The following RCSD1 variants were observed in gnomAD, a reference collection of about 807,000 sequenced individuals.
The protein encoded by RCSD1 is RCSD domain containing 1.
In RCSD1, 26 loss-of-function variants were observed where a neutral mutation model predicts 42.5. That is an observed-to-expected ratio of 0.61 (90% CI 0.45 to 0.85). The LOEUF (loss-of-function observed/expected upper bound fraction) is 0.85. Among genes scored for constraint, RCSD1 ranks in the 40% least tolerant of loss-of-function variants. The pLI, the probability that RCSD1 is intolerant of heterozygous loss-of-function variation, is 0.00. For missense variants in RCSD1, 571 were observed against 528.3 expected, an observed-to-expected ratio of 1.08 and a Z score of -0.79; for synonymous variants, 220 against 212.2, an observed-to-expected ratio of 1.04 and a Z score of -0.32.
chr1:167,685,357 C>A, intron 2 of RCSD1, 64 bp from the exon 3 acceptor site: 1 of 1,318,698 alleles, frequency 7.6e-7, no homozygotes, highest in Non-Finnish European at 1.1e-6. Flanking sequence ...CCTTGCTCTT[C>A]CTCCCTGTTG....
intron 1 of RCSD1, among the ~76,000 whole-genome samples, chr1:167,650,512 G>T (rs1022032267): frequency 6.6e-6 from 1 of 152,058 alleles, no homozygotes; most frequent in Non-Finnish European, 1.5e-5. Flanking sequence ...CCTGACTCTC[G>T]AGTGTTTGGG....
intron 1 of RCSD1, among the ~76,000 whole-genome samples, chr1:167,645,343 G>A (rs1183346822): frequency 6.6e-6 from 1 of 152,196 alleles, no homozygotes; most frequent in Admixed American, 6.5e-5. Context: ...CCTACTGTAT[G>A]ACAGATGCTG....
intron 1 of RCSD1, chr1:167,665,167 G>A (rs921111100): frequency 3.3e-5 from 5 of 152,030 alleles, no homozygotes; most frequent in African/African-American, 1.2e-4. Context: ...TCTTCTTTCT[G>A]TTATTATAGT....
chr1:167,660,315 A>C (rs954796006), intron 1 of RCSD1, among the ~76,000 whole-genome samples: 1 of 151,986 alleles, frequency 6.6e-6, no homozygotes, highest in African/African-American at 2.4e-5. Flanking sequence ...GTCTATAATC[A>C]CGTTTTGATC....
At position 167,697,464 on chromosome 1, in the gene RCSD1, G is replaced by C. The variant is rs552888962; in HGVS notation, c.840G>C (p.Glu280Asp). The change falls in exon 6 of 7, where the codon GAG becomes GAC. Residue 280 changes from glutamate to aspartate, a missense_variant. Physicochemically the swap from Glu to Asp is conservative, Grantham distance 45 (BLOSUM62 2). Coordinates refer to ENST00000367854, the MANE Select transcript of RCSD1 (RefSeq NM_052862.4). ...ACGGCCAGCACCCGGCCCAAGAGGA[G>C]GTCCCGGAATCGCCCCAGACCTCTG... ...EVDGQHPAQE[E>D]VPESPQTSGP... is the part of the protein sequence containing the mutation. 3.1e-6 allele frequency: 5 copies of C among 1,611,272 alleles called. No individual in the cohort carries two copies. The highest frequency in any genetic ancestry group is 1.7e-4 in the Middle Eastern group (1 of 6,054).
intron 1 of RCSD1, among the ~76,000 whole-genome samples, chr1:167,636,581 T>G (rs1054718634): frequency 9.5e-5 from 13 of 137,278 alleles, no homozygotes; most frequent in East Asian, 4.0e-4. Context: ...CTTCTTTTTG[T>G]TTTTTTTTGT....
In RCSD1 at chr1:167,705,972, A is replaced by G. The variant is rs1659748385; in HGVS notation, c.*1276A>G. On this transcript the variant is annotated 3_prime_UTR_variant, in exon 7 of 7. Transcript: ENST00000367854. ...TCAGTGTGCTGATTTGGTAGTTGGA[A>G]GAATTATTCTTCTGGAGGTCTGTTA... is the stretch of plus-strand genomic sequence containing the variant. The G allele has an allele frequency of 6.6e-6, 1 of 152,208 alleles. No individual in the cohort carries two copies. The highest frequency in any genetic ancestry group is 2.4e-5 in the African/African-American group (1 of 41,444). 9.4% of individuals were successfully genotyped at this position (152,208 alleles called of 1,614,324 possible).
At chr1:167,667,173 G>C (rs535840203) in intron 1 of RCSD1, among the ~76,000 whole-genome samples, 2 of 152,132 alleles carry the variant, frequency 1.3e-5, no homozygotes, top group East Asian at 3.9e-4. Flanking sequence ...AAGGGAGGGG[G>C]CGCCTATCCC....
intron 1 of RCSD1, chr1:167,663,469 G>A (rs1198656438): frequency 3.3e-5 from 5 of 152,426 alleles, no homozygotes; most frequent in African/African-American, 1.2e-4. Context: ...GGCTGATCCT[G>A]ACCCATTACC....
chr1:167,701,304 CTTTCTTTCTTTCTTTT>C (rs981907129), intron 6 of RCSD1, among the ~76,000 whole-genome samples: 5 of 144,484 alleles, frequency 3.5e-5, no homozygotes, highest in African/African-American at 1.1e-4. Flanking sequence ...TTCTTTCTTT[CTTTCTTTCTTTCTTTT>C]TTTTAGATGG....
intron 1 of RCSD1, among the ~76,000 whole-genome samples, chr1:167,656,722 G>C (rs925429674): frequency 6.6e-6 from 1 of 152,168 alleles, no homozygotes; most frequent in African/African-American, 2.4e-5. Context: ...AAAGGCACTG[G>C]AGTTAGCAAC....
At chr1:167,645,048 G>A (rs994756523) in intron 1 of RCSD1, among the ~76,000 whole-genome samples, 2 of 152,178 alleles carry the variant, frequency 1.3e-5, no homozygotes, top group Non-Finnish European at 2.9e-5. Flanking sequence ...CAGGCCACGG[G>A]GCTCTATCCT....
intron 1 of RCSD1, among the ~76,000 whole-genome samples, chr1:167,657,311 AG>A (rs1558078097): frequency 1.3e-5 from 2 of 152,244 alleles, no homozygotes; most frequent in African/African-American, 4.8e-5. Context: ...TGGGGCCTAA[AG>A]AAAATCACCT....
chr1:167,630,942 GTCT>G (rs1237549225), intron 1 of RCSD1, among the ~76,000 whole-genome samples: 1 of 152,126 alleles, frequency 6.6e-6, no homozygotes, highest in Non-Finnish European at 1.5e-5. Flanking sequence ...GAGTCCAGTT[GTCT>G]TCTTGCTTCT....
At position 167,705,188 on chromosome 1, in the gene RCSD1, A is replaced by T. The variant is rs1209043912; in HGVS notation, c.*492A>T. The T allele has an allele frequency of 6.5e-6, 1 of 153,364 alleles. No homozygotes were observed. Among genetic ancestry groups the T allele is most frequent in the Non-Finnish European group, 1.5e-5 (1 of 68,846 alleles). The allele number at this position is 153,364 out of a possible 1,614,324, so 9.5% of individuals were successfully genotyped here. On this transcript the variant is annotated 3_prime_UTR_variant, in exon 7 of 7. Coordinates refer to ENST00000367854, the MANE Select transcript of RCSD1 (RefSeq NM_052862.4). ...TTAAAAACTAATTTTAGGTGGCCAT[A>T]AACATAAAATAGAAACCCTGTAAGT...
intron 1 of RCSD1, among the ~76,000 whole-genome samples, chr1:167,681,429 C>G (rs1659079847): frequency 6.6e-6 from 1 of 152,264 alleles, no homozygotes; most frequent in Admixed American, 6.5e-5. Context: ...GCTCTGGAGT[C>G]CTTAGTCTAA....
chr1:167,677,017 C>G (rs1235278903), intron 1 of RCSD1, among the ~76,000 whole-genome samples: 1 of 152,234 alleles, frequency 6.6e-6, no homozygotes, highest in Non-Finnish European at 1.5e-5. Flanking sequence ...GACCAAGGAC[C>G]TGCCATTTTC....
chr1:167,666,522 T>G (rs1658661642), intron 1 of RCSD1, among the ~76,000 whole-genome samples: 1 of 152,144 alleles, frequency 6.6e-6, no homozygotes, highest in African/African-American at 2.4e-5. Flanking sequence ...ATGCGGATGA[T>G]GCTAGTTACA....
Position 167,697,414 on chromosome 1 carries a change from G to T in RCSD1, c.790G>T (p.Ala264Ser). 1 of 1,613,188 alleles carries T rather than the reference G, an allele frequency of 6.2e-7. No homozygotes were observed. The highest frequency in any genetic ancestry group is 8.5e-7 in the Non-Finnish European group (1 of 1,179,650). ...AGAGGAAGCCAAGAACGGTGAAAAG[G>T]CCAGGCGGAGTTCAGAGGAGGTGGA... ...ATEEAKNGEK[A>S]RRSSEEVDGQ... The change falls in exon 6 of 7, where the codon GCC becomes TCC. Residue 264 changes from alanine (A) to serine (S), a missense_variant. Physicochemically the swap from Ala to Ser is moderately conservative, Grantham distance 99 (BLOSUM62 1). Transcript: ENST00000367854.
Sources: gnomAD v4.1 joint callset for allele counts (sites outside exome capture counted in the v4.1 genomes callset) on GRCh38, gnomAD v4.1.1 for gene constraint, MANE v1.5 for transcripts, NCBI Gene and HGNC (gene_info 2026-07-23, HGNC 2026-07-21) for gene names.